AOPEP: variants seen among roughly 807,000 people sequenced by gnomAD.
AOPEP encodes aminopeptidase O.
AOPEP carries 77 observed loss-of-function variants against 98.1 expected under a neutral mutation model. That is an observed-to-expected ratio of 0.78 (90% CI 0.65 to 0.95). The LOEUF is 0.95. Ranked by LOEUF, AOPEP falls within the 40% of genes least tolerant of loss-of-function variation. The probability of loss-of-function intolerance (pLI) is 0.00; values close to 1 mark genes in which losing one functional copy is unlikely to be tolerated. For missense variants in AOPEP, 1,024 were observed against 1,024.7 expected, an observed-to-expected ratio of 1.00 and a Z score of 0.01; for synonymous variants, 346 against 365.3, an observed-to-expected ratio of 0.95 and a Z score of 0.60.
intron 16 of AOPEP, among the ~76,000 whole-genome samples, chr9:95,083,579 C>T (rs1159794568): frequency 6.6e-6 from 1 of 151,486 alleles, no homozygotes; most frequent in Non-Finnish European, 1.5e-5. Context: ...GCATGCACAA[C>T]ACAGAGCACA....
intron 1 of AOPEP, among the ~76,000 whole-genome samples, chr9:94,743,340 CAG>C (rs1446278558): frequency 6.6e-6 from 1 of 152,030 alleles, no homozygotes; most frequent in East Asian, 1.9e-4. Flanking sequence ...TGAGATGCCA[CAG>C]AGAGTCAAGG....
rs1292152832 is a variant in AOPEP, at chr9:94,931,720, C to T, written c.1661+3189C>T. The stretch of plus-strand genomic sequence containing the variant: ...CTCGCTTTATGTCTTGATAGGTTTC[C>T]ACATGTTGGCGGATGCAGTGGAAGC... On this transcript the variant is annotated intron_variant, in intron 7 of 16. Coordinates refer to ENST00000375315, the MANE Select transcript of AOPEP (RefSeq NM_001193329.3). 3 of 1,549,138 alleles carry T rather than the reference C, an allele frequency of 1.9e-6. No homozygotes were observed. The African/African-American group carries it at 4.1e-5, about 21-fold the overall frequency.
the AOPEP span, among the ~76,000 whole-genome samples, chr9:95,131,976 A>C: frequency 6.6e-6 from 1 of 152,230 alleles, no homozygotes; most frequent in Non-Finnish European, 1.5e-5. Flanking sequence ...AGTTCTTATT[A>C]GATAAAGTAA....
intron 1 of AOPEP, among the ~76,000 whole-genome samples, chr9:94,741,083 G>A (rs1013684045): frequency 2.0e-5 from 3 of 151,930 alleles, no homozygotes; most frequent in African/African-American, 4.8e-5. Context: ...GGGTTGGGGT[G>A]GATGTGGGGT....
At position 95,047,421 on chromosome 9, in the gene AOPEP, G is replaced by GATGTTTTATTTTCTAAGC. The variant is rs1376233324; in HGVS notation, c.2116-13261_2116-13260insCTAAGCATGTTTTATTTT. 2.0e-5 allele frequency among the ~76,000 whole-genome samples: 3 copies of GATGTTTTATTTTCTAAGC among 152,176 alleles called. No individual in the cohort carries two copies. The East Asian group carries it at 5.8e-4, about 29-fold the overall frequency. On this transcript the variant is annotated intron_variant, in intron 13 of 16. Coordinates refer to ENST00000375315, the MANE Select transcript of AOPEP (RefSeq NM_001193329.3). ...CAAAGTATAAGAAGGCTTTGTTTTT[G>GATGTTTTATTTTCTAAGC]ATGTTTTATTTTTCTAAGCATGTTT...
In AOPEP at chr9:94,760,518, G is replaced by C. The variant is rs1838004608; in HGVS notation, c.735G>C (p.Arg245Ser). 6.3e-7 allele frequency: 1 copy of C among 1,598,934 alleles called. No individual in the cohort carries two copies. The highest frequency in any genetic ancestry group is 1.8e-5 in the Admixed American group (1 of 56,808). Residue 245 changes from arginine to serine, a missense_variant, in exon 2 of 17, where the codon AGG becomes AGC. Transcript: ENST00000375315. ...CTACTGACTTTCCTCATGCTATCAG[G>C]ATATGGTACAAAACTAAACCTGAAG... is the stretch of plus-strand genomic sequence containing the variant. ...QTATDFPHAI[R>S]IWYKTKPEGR...
At chr9:95,107,825 G>A in the AOPEP span, among the ~76,000 whole-genome samples, 40 of 152,190 alleles carry the variant, frequency 2.6e-4, no homozygotes, top group African/African-American at 9.2e-4. Flanking sequence ...TTAGATGCCG[G>A]AACAATCTGT....
chr9:95,008,396 T>C (rs1266750413), intron 13 of AOPEP, among the ~76,000 whole-genome samples: 1 of 152,158 alleles, frequency 6.6e-6, no homozygotes, highest in East Asian at 1.9e-4. Context: ...AGGAAAACAG[T>C]GCTCTAGTGA....
At chr9:95,141,919 A>G in the AOPEP span, among the ~76,000 whole-genome samples, 1 of 150,726 alleles carries the variant, frequency 6.6e-6, no homozygotes, top group African/African-American at 2.4e-5. Context: ...AATACTACAC[A>G]TTGTCAAAAA....
chr9:94,795,145 C>G (rs143297023), intron 4 of AOPEP, among the ~76,000 whole-genome samples: 1 of 152,318 alleles, frequency 6.6e-6, no homozygotes, highest in East Asian at 1.9e-4. Flanking sequence ...AACTTGTTAA[C>G]ATTAATGTCC....
chr9:94,971,224 T>C (rs1329777546), intron 10 of AOPEP, among the ~76,000 whole-genome samples: 1 of 152,180 alleles, frequency 6.6e-6, no homozygotes, highest in Non-Finnish European at 1.5e-5. Context: ...CCTGTCTTAA[T>C]GGTGGCCCCC....
At chr9:95,136,544 T>C in the AOPEP span, among the ~76,000 whole-genome samples, 7 of 151,460 alleles carry the variant, frequency 4.6e-5, no homozygotes, top group African/African-American at 1.5e-4. Flanking sequence ...TAGAGTGCAA[T>C]GGTGTGATCA....
intron 5 of AOPEP, among the ~76,000 whole-genome samples, chr9:94,922,872 T>C (rs1245433691): frequency 1.3e-5 from 2 of 152,220 alleles, no homozygotes; most frequent in Admixed American, 1.3e-4. Flanking sequence ...CTGAGCTGAA[T>C]GGGTGATGTT....
intron 3 of AOPEP, among the ~76,000 whole-genome samples, chr9:94,791,259 T>C (rs1845646765): frequency 6.6e-6 from 1 of 152,152 alleles, no homozygotes; most frequent in Admixed American, 6.5e-5. Flanking sequence ...AAATACTGCA[T>C]GTTCTTACTT....
intron 4 of AOPEP, among the ~76,000 whole-genome samples, chr9:94,794,241 G>T (rs1279956787): frequency 6.6e-6 from 1 of 152,206 alleles, no homozygotes; most frequent in East Asian, 1.9e-4. Context: ...AGGGAGAAGG[G>T]GGACGCTGAG....
chr9:94,897,624 G>T (rs867455819), intron 5 of AOPEP, among the ~76,000 whole-genome samples: 5 of 152,112 alleles, frequency 3.3e-5, no homozygotes, highest in Admixed American at 1.3e-4. Context: ...TACAACAAAT[G>T]AAAGGGGGTG....
chr9:94,874,777 T>G (rs1201753418), intron 5 of AOPEP, among the ~76,000 whole-genome samples: 1 of 152,170 alleles, frequency 6.6e-6, no homozygotes, highest in Non-Finnish European at 1.5e-5. Flanking sequence ...GACGGAAATC[T>G]CTACATATTT....
chr9:95,122,240 A>G, the AOPEP span, among the ~76,000 whole-genome samples: 5 of 152,208 alleles, frequency 3.3e-5, no homozygotes, highest in African/African-American at 1.2e-4. Flanking sequence ...ATTATTAGAT[A>G]TCAGGTTTAC....
chr9:94,908,906 T>G (rs1348233236), intron 5 of AOPEP, among the ~76,000 whole-genome samples: 1 of 152,224 alleles, frequency 6.6e-6, no homozygotes, highest in African/African-American at 2.4e-5. Context: ...TATTCCAATA[T>G]TTTCCTTTCT....
Sources: allele counts gnomAD v4.1 joint callset (sites outside exome capture counted in the v4.1 genomes callset), GRCh38; gene constraint gnomAD v4.1.1; transcripts MANE v1.5; gene names NCBI Gene and HGNC (gene_info 2026-07-23, HGNC 2026-07-21).